The following UTRN variants were observed in gnomAD, a reference collection of about 807,000 sequenced individuals.
UTRN encodes utrophin, also known as dystrophin-related protein 1.
Under a neutral mutation model 463.9 loss-of-function variants are expected in UTRN, and 283 were observed. That is an observed-to-expected ratio of 0.61 (90% confidence interval 0.55 to 0.67). UTRN has a LOEUF of 0.67. UTRN is among the 30% of genes least tolerant of loss of function. UTRN has a pLI of 0.00. For missense variants in UTRN, 3,922 were observed against 4,084.3 expected (o/e 0.96, Z 1.08); for synonymous variants, 1,442 against 1,431.5 (o/e 1.01, Z -0.17).
intron 53 of UTRN, among the ~76,000 whole-genome samples, chr6:144,726,817 C>G: frequency 6.6e-6 from 1 of 151,810 alleles, no homozygotes; most frequent in East Asian, 1.9e-4. Flanking sequence ...AACAGACAGC[C>G]AAAGAGATTA....
Position 144,395,566 on chromosome 6 carries a change from C to A in UTRN, c.80-7557C>A, listed in dbSNP as rs1373064000. 2.0e-5 allele frequency among the ~76,000 whole-genome samples: 3 copies of A among 152,000 alleles called. No homozygotes were observed. The East Asian group carries it at 5.8e-4, about 29-fold the overall frequency. On this transcript the variant is annotated intron_variant, in intron 2 of 74. Transcript: ENST00000367545. ...TATTCCTATGCATTGTTTAAAAAAA[C>A]TTGAGTTTGTTGAAAAGAAAACAGG...
At chr6:144,336,953 C>G (rs2114619398) in intron 2 of UTRN, among the ~76,000 whole-genome samples, 1 of 152,236 alleles carries the variant, frequency 6.6e-6, no homozygotes, top group South Asian at 2.1e-4. Context: ...AGATTGGACC[C>G]TGTTTCTACC....
chr6:144,469,960 CT>C (rs1361860236), intron 23 of UTRN, among the ~76,000 whole-genome samples: 2 of 152,118 alleles, frequency 1.3e-5, no homozygotes, highest in African/African-American at 4.8e-5. Context: ...TTGCACCGCC[CT>C]TAATCCATTT....
chr6:144,356,232 G>C (rs1778535454), intron 2 of UTRN, among the ~76,000 whole-genome samples: 1 of 152,204 alleles, frequency 6.6e-6, no homozygotes, highest in South Asian at 2.1e-4. Flanking sequence ...AGGCAGAGGT[G>C]CTATTCAAAA....
intron 60 of UTRN, among the ~76,000 whole-genome samples, chr6:144,777,522 G>A (rs1006105961): frequency 4.6e-5 from 7 of 152,212 alleles, no homozygotes; most frequent in African/African-American, 1.7e-4. Flanking sequence ...GAGCTTCCAA[G>A]ATAGTGGTAA....
intron 50 of UTRN, among the ~76,000 whole-genome samples, chr6:144,561,208 TATATATATATATA>T (rs1799842465): frequency 2.1e-3 from 7 of 3,346 alleles, no homozygotes; most frequent in Non-Finnish European, 4.1e-3. Context: ...AATAACATTA[TATATATATATATA>T]TATATATATA....
rs1792004970 is a variant in UTRN at position 144,482,515 on chromosome 6, C to G, written c.3687+127C>G. The G allele has an allele frequency of 1.2e-5, 7 of 573,592 alleles. No individual in the cohort carries two copies. The South Asian group carries it at 5.6e-4, about 46-fold the overall frequency. The allele number at this position is 573,592 out of a possible 1,614,324, so 35.5% of individuals were successfully genotyped here. A position where few individuals can be genotyped will look rare whatever the true frequency, so the allele number is the denominator to read the frequency against. Reference sequence around the variant, plus strand: ...TTTTCAAATCTTGGAGAAAACTTCTCTTTTCTTTCAAATTCTGGATTATAA... The same window carrying G: ...TTTTCAAATCTTGGAGAAAACTTCTGTTTTCTTTCAAATTCTGGATTATAA... On this transcript the variant is annotated intron_variant, in intron 27 of 74. Coordinates refer to ENST00000367545, the MANE Select transcript of UTRN (RefSeq NM_007124.3).
At chr6:144,557,368 T>G in intron 50 of UTRN, 57 bp downstream of exon 50, 1 of 1,548,642 alleles carries the variant, frequency 6.5e-7, no homozygotes, top group Non-Finnish European at 8.7e-7. Context: ...ATTTGATGGC[T>G]TTGGCTTTCT....
At chr6:144,418,476 GC>G (rs1327487677) in intron 3 of UTRN, among the ~76,000 whole-genome samples, 1 of 151,788 alleles carries the variant, frequency 6.6e-6, no homozygotes, top group East Asian at 1.9e-4. Flanking sequence ...GCCCGCCTCG[GC>G]CTCCTAAAGT....
At chr6:144,681,141 CACGTTGTTAAG>C (rs1782155038) in intron 52 of UTRN, among the ~76,000 whole-genome samples, 1 of 152,134 alleles carries the variant, frequency 6.6e-6, no homozygotes, top group African/African-American at 2.4e-5. Flanking sequence ...ATAATTAGTT[CACGTTGTTAAG>C]ACACTGGTGA....
At chr6:144,635,535 CTTTTTTTTTTTT>C (rs1219903798) in intron 51 of UTRN, among the ~76,000 whole-genome samples, 2 of 33,186 alleles carry the variant, frequency 6.0e-5, no homozygotes, top group Non-Finnish European at 1.1e-4. Flanking sequence ...TTTTTCTTTT[CTTTTTTTTTTTT>C]TTTTTTTTTT....
At chr6:144,637,613 A>G (rs982007902) in intron 51 of UTRN, among the ~76,000 whole-genome samples, 2 of 151,856 alleles carry the variant, frequency 1.3e-5, no homozygotes, top group African/African-American at 4.8e-5. Context: ...ATTTTTATAC[A>G]AGCACTTGTA....
chr6:144,717,948 C>T (rs142692950), intron 53 of UTRN, among the ~76,000 whole-genome samples: 1 of 152,094 alleles, frequency 6.6e-6, no homozygotes. Flanking sequence ...GCCACTGCAC[C>T]TGGCCCATTT....
At chr6:144,693,005 T>G (rs924897908) in intron 52 of UTRN, among the ~76,000 whole-genome samples, 5 of 144,900 alleles carry the variant, frequency 3.5e-5, no homozygotes, top group Admixed American at 6.9e-5. Context: ...TCTTTCAGGG[T>G]TTTTTTTTTT....
intron 2 of UTRN, among the ~76,000 whole-genome samples, chr6:144,295,280 A>C (rs1448802559): frequency 6.6e-6 from 1 of 152,260 alleles, no homozygotes; most frequent in South Asian, 2.1e-4. Context: ...TATTTCATTC[A>C]ATAATTAACA....
chr6:144,775,194 T>C (rs1775212410), intron 60 of UTRN, among the ~76,000 whole-genome samples: 1 of 152,114 alleles, frequency 6.6e-6, no homozygotes, highest in Non-Finnish European at 1.5e-5. Context: ...CTTTGAAAAA[T>C]GATATGTTAA....
At chr6:144,713,982 A>AT (rs1344897354) in intron 53 of UTRN, among the ~76,000 whole-genome samples, 1 of 152,028 alleles carries the variant, frequency 6.6e-6, no homozygotes, top group Non-Finnish European at 1.5e-5. Context: ...AAGCAAAAGA[A>AT]TTTCTGTCTC....
intron 34 of UTRN, among the ~76,000 whole-genome samples, chr6:144,507,361 T>C (rs1156402209): frequency 6.6e-6 from 1 of 152,184 alleles, no homozygotes; most frequent in Non-Finnish European, 1.5e-5. Flanking sequence ...GTTTTTGGAA[T>C]TTACAGCATT....
Position 144,490,922 on chromosome 6 carries a change from C to T in UTRN, c.4264-7C>T, listed in dbSNP as rs1363123486. ...TGGGAATTGCATATTTTCATTTCTGCAAACAGAGGAAACTCCGAGAGGTGT... is the reference window on the plus strand; with the variant it reads ...TGGGAATTGCATATTTTCATTTCTGTAAACAGAGGAAACTCCGAGAGGTGT... On this transcript the variant is annotated splice_polypyrimidine_tract_variant and splice_region_variant and intron_variant, in intron 31 of 74. Coordinates refer to ENST00000367545, the MANE Select transcript of UTRN (RefSeq NM_007124.3). 2 of 1,574,800 alleles carry T rather than the reference C, an allele frequency of 1.3e-6. No homozygotes were observed. The highest frequency in any genetic ancestry group is 2.3e-5 in the South Asian group (2 of 85,942).
Sources: gnomAD v4.1 joint callset for allele counts (sites outside exome capture counted in the v4.1 genomes callset) on GRCh38, gnomAD v4.1.1 for gene constraint, MANE v1.5 for transcripts, NCBI Gene and HGNC (gene_info 2026-07-23, HGNC 2026-07-21) for gene names.